Variants in UNC93B1 observed in about 807,000 individuals in gnomAD.
The protein encoded by UNC93B1 is unc-93B1 regulator of TLR signaling, also known as protein unc-93 homolog B1.
UNC93B1 carries 33 observed loss-of-function variants against 56.8 expected under a neutral mutation model. The observed-to-expected ratio is 0.58, with a 90% CI of 0.44 to 0.78. UNC93B1 has a LOEUF of 0.78. UNC93B1 is among the 30% of genes least tolerant of loss of function. UNC93B1 has a pLI of 0.00. For missense variants in UNC93B1, 673 were observed against 819.5 expected, an observed-to-expected ratio of 0.82 and a Z score of 2.18; for synonymous variants, 334 against 358.6, an observed-to-expected ratio of 0.93 and a Z score of 0.77.
intron 3 of UNC93B1, among the ~76,000 whole-genome samples, chr11:68,000,682 C>T (rs939498492): frequency 2.0e-5 from 3 of 151,996 alleles, no homozygotes; most frequent in Non-Finnish European, 4.4e-5. Context: ...GCACATATAG[C>T]CAGTGGTCAC....
intron 7 of UNC93B1, 103 bp downstream of exon 7, chr11:67,997,572 C>A: frequency 1.3e-6 from 2 of 1,561,060 alleles, no homozygotes; most frequent in Admixed American, 1.7e-5. Context: ...AGGCCACAAC[C>A]CGACCCAGGC....
chr11:68,003,233 G>GCAGAAGA lies in UNC93B1; in HGVS notation c.239-65_239-59dup. On this transcript the variant is annotated intron_variant, in intron 2 of 10. Transcript: ENST00000227471. The surrounding 1 kb of genome is among the most constrained non-coding windows in gnomAD (Gnocchi z 4.4). ...GCAGCCTAGCTTTGGGCGCCACCGA[G>GCAGAAGA]CAGAAGACGGCATGCAGGCCTCGCA... The GCAGAAGA allele has an allele frequency of 6.7e-7, 1 of 1,500,100 alleles. No individual in the cohort carries two copies. Among genetic ancestry groups the GCAGAAGA allele is most frequent in the Non-Finnish European group, 8.9e-7 (1 of 1,126,648 alleles). 92.9% of individuals were successfully genotyped at this position (1,500,100 alleles called of 1,614,324 possible).
At chr11:67,993,457 C>T (rs375556417) in intron 10 of UNC93B1, among the ~76,000 whole-genome samples, 33 of 152,136 alleles carry the variant, frequency 2.2e-4, no homozygotes, top group East Asian at 7.7e-4. Context: ...CTGTGATGCA[C>T]CCACAAATCC....
Position 67,995,200 on chromosome 11 carries a change from A to G in UNC93B1, c.1363+411T>C, listed in dbSNP as rs374501082. 3.3e-5 allele frequency among the ~76,000 whole-genome samples: 5 copies of G among 152,302 alleles called. No individual in the cohort carries two copies. The South Asian group carries it at 6.2e-4, about 19-fold the overall frequency. On this transcript the variant is annotated intron_variant, in intron 9 of 10. Coordinates refer to ENST00000227471, the MANE Select transcript of UNC93B1 (RefSeq NM_030930.4). ...GCCAGGGTAAGCCCTGTCCCCTGGTATGAAAAGGGAGAATCCCTGATGTGT... is the reference window on the plus strand; with the variant it reads ...GCCAGGGTAAGCCCTGTCCCCTGGTGTGAAAAGGGAGAATCCCTGATGTGT...
intron 3 of UNC93B1, among the ~76,000 whole-genome samples, chr11:68,002,081 G>A (rs1857053035): frequency 6.6e-6 from 1 of 151,614 alleles, no homozygotes; most frequent in South Asian, 2.1e-4. Context: ...AGAGGTTGCA[G>A]TGAGCCGAGA....
rs186938947 is a variant in UNC93B1, at chr11:67,996,791, A to C, written c.907-7T>G. The C allele has an allele frequency of 3.3e-6, 5 of 1,536,140 alleles. No individual in the cohort carries two copies. The highest frequency in any genetic ancestry group is 4.4e-6 in the Non-Finnish European group (5 of 1,135,534). On this transcript the variant is annotated splice_polypyrimidine_tract_variant and splice_region_variant and intron_variant, in intron 7 of 10. Transcript: ENST00000227471. ...CTCCGCACAAACCCAGCACCTGCGA[A>C]CCCATTACTTGAAGGGGCGGCCAGC...
chr11:67,993,277 C>A (rs1244180020), intron 10 of UNC93B1, among the ~76,000 whole-genome samples: 1 of 152,262 alleles, frequency 6.6e-6, no homozygotes, highest in Non-Finnish European at 1.5e-5. Flanking sequence ...GCGTGAGCCA[C>A]CGCGCCCGGC....
At chr11:67,996,514 A>T in intron 8 of UNC93B1, 88 bp downstream of exon 8, 1 of 1,442,512 alleles carries the variant, frequency 6.9e-7, no homozygotes, top group Non-Finnish European at 9.2e-7. Flanking sequence ...TTACATATGT[A>T]ATTAAAAATT....
At chr11:67,999,101 G>T (rs1290813888) in intron 5 of UNC93B1, 72 bp downstream of exon 5, 5 of 1,596,382 alleles carry the variant, frequency 3.1e-6, no homozygotes, top group Non-Finnish European at 2.6e-6. Context: ...GGACTAGAGG[G>T]TTGAGACTGT....
intron 9 of UNC93B1, 69 bp downstream of exon 9, chr11:67,995,539 CCAA>C: frequency 7.9e-7 from 1 of 1,262,470 alleles, no homozygotes; most frequent in African/African-American, 1.6e-5. Flanking sequence ...CTATGTCTCG[CCAA>C]CCACCCACAG....
chr11:67,995,570 T>TC (rs1565124042), intron 9 of UNC93B1, 41 bp downstream of exon 9: 5 of 182,062 alleles, frequency 2.7e-5, no homozygotes, highest in African/African-American at 8.9e-5. Context: ...TAAAGCCCCC[T>TC]GCCCCGCCCC....
chr11:67,999,814 G>A, intron 3 of UNC93B1, 134 bp from the exon 4 acceptor site: 1 of 1,234,062 alleles, frequency 8.1e-7, no homozygotes, highest in Admixed American at 2.6e-5. Flanking sequence ...CACTGAGATG[G>A]AATATCAGAT....
At chr11:67,999,117 G>T in intron 5 of UNC93B1, 56 bp downstream of exon 5, 1 of 1,605,640 alleles carries the variant, frequency 6.2e-7, no homozygotes, top group Non-Finnish European at 8.5e-7. Flanking sequence ...ACTGTGGATG[G>T]GCTCCAATGC....
intron 6 of UNC93B1, 95 bp from the exon 7 acceptor site, chr11:67,997,894 G>A (rs375664874): frequency 1.3e-6 from 2 of 1,519,146 alleles, no homozygotes; most frequent in African/African-American, 2.7e-5. Flanking sequence ...GCGGAGGAGC[G>A]GTGGAGGGCG....
chr11:67,991,925 C>T (rs1435558037), intron 10 of UNC93B1, 68 bp from the exon 11 acceptor site: 2 of 1,485,372 alleles, frequency 1.3e-6, no homozygotes, highest in Non-Finnish European at 1.8e-6. Flanking sequence ...CGCCTATGCC[C>T]CTCGCTGAGA....
At position 68,004,074 on chromosome 11, in the gene UNC93B1, G is replaced by A. The variant is rs1312691909; in HGVS notation, c.-31C>T. ...GAACTACTGCGGACTCGCGGCGGTCGCCCCGGAGTCCCTGCGACCGCCCGG... is the reference window on the plus strand; with the variant it reads ...GAACTACTGCGGACTCGCGGCGGTCACCCCGGAGTCCCTGCGACCGCCCGG... On this transcript the variant is annotated 5_prime_UTR_variant, in exon 1 of 11. Transcript: ENST00000227471. 1.5e-6 allele frequency: 2 copies of A among 1,311,420 alleles called. No individual in the cohort carries two copies. Among genetic ancestry groups the A allele is most frequent in the Admixed American group, 3.7e-5 (1 of 27,244 alleles). 81.2% of individuals were successfully genotyped at this position (1,311,420 alleles called of 1,614,324 possible). A position where few individuals can be genotyped will look rare whatever the true frequency, so the allele number is the denominator to read the frequency against.
Position 67,998,450 on chromosome 11 carries a change from C to G in UNC93B1, c.690G>C (p.Leu230=), listed in dbSNP as rs1281902050. The stretch of plus-strand genomic sequence containing the variant: ...TGGGCAGCTGGGCGCAGGCGAAGCT[C>G]AGCTGCAGAAACAAGGGCAGTTGGG... ...FQAIFYSFFH[L]SFACAQLPMI... Residue 230 remains leucine, a splice_region_variant and synonymous_variant, in exon 6 of 11, where the codon CTG becomes CTC. Transcript: ENST00000227471. 4 of 1,613,882 alleles carry G rather than the reference C, an allele frequency of 2.5e-6. No homozygotes were observed. Among genetic ancestry groups the G allele is most frequent in the Non-Finnish European group, 3.4e-6 (4 of 1,179,848 alleles).
At chr11:67,999,350 C>A (rs762950661) in intron 4 of UNC93B1, 45 bp from the exon 5 acceptor site, 28 of 1,579,002 alleles carry the variant, frequency 1.8e-5, no homozygotes, top group Middle Eastern at 1.7e-4. Context: ...CGACCTGTGC[C>A]ACTCCTGTGT....
intron 7 of UNC93B1, among the ~76,000 whole-genome samples, chr11:67,997,390 C>G (rs1360590743): frequency 2.6e-5 from 4 of 152,164 alleles, no homozygotes. Flanking sequence ...GATCTTGTCT[C>G]CAGCTCGAAA....
Sources: allele counts gnomAD v4.1 joint callset (sites outside exome capture counted in the v4.1 genomes callset), GRCh38; gene constraint gnomAD v4.1.1; non-coding constraint Gnocchi (gnomAD v3.1); transcripts MANE v1.5; gene names NCBI Gene and HGNC (gene_info 2026-07-23, HGNC 2026-07-21).